CMC1: variants seen among roughly 807,000 people sequenced by gnomAD.
CMC1 encodes COX assembly mitochondrial protein homolog.
In CMC1, 14 loss-of-function variants were observed where a neutral mutation model predicts 14.1. That is an observed-to-expected ratio of 0.99 (90% CI 0.66 to 1.55). The LOEUF is 1.55. Ranked by LOEUF, CMC1 falls within the 40% of genes most tolerant of loss-of-function variation. The pLI is 0.00. For synonymous variants in CMC1, 50 were observed against 38.4 expected, an observed-to-expected ratio of 1.30 and a Z score of -1.12; for missense variants, 127 against 123.8, an observed-to-expected ratio of 1.03 and a Z score of -0.12.
intron 2 of CMC1, among the ~76,000 whole-genome samples, chr3:28,275,042 C>T (rs928286446): frequency 6.5e-4 from 99 of 152,200 alleles, no homozygotes; most frequent in African/African-American, 2.3e-3. Flanking sequence ...GAACATGCTC[C>T]GTTAGCCCAG....
Position 28,263,275 on chromosome 3 carries a change from A to T in CMC1, c.20-16A>T, listed in dbSNP as rs762101485. 25 of 1,556,194 alleles carry T rather than the reference A, an allele frequency of 1.6e-5. No homozygotes were observed. The highest frequency in any genetic ancestry group is 1.9e-5 in the Non-Finnish European group (22 of 1,142,018). On this transcript the variant is annotated splice_polypyrimidine_tract_variant and intron_variant, in intron 1 of 3. Transcript: ENST00000466830. ...TTGCTTGAGACTTTATTAAAGAAAG[A>T]TCTTTTTTTTTTCAGACCAGCATCT...
intron 2 of CMC1, chr3:28,298,457 T>G (rs1277179708): frequency 1.3e-5 from 2 of 148,490 alleles, no homozygotes; most frequent in Non-Finnish European, 3.0e-5. Flanking sequence ...AAATATATTT[T>G]TATATATAAA....
At chr3:28,261,502 T>G (rs1475763248) in intron 1 of CMC1, among the ~76,000 whole-genome samples, 1 of 152,156 alleles carries the variant, frequency 6.6e-6, no homozygotes, top group East Asian at 1.9e-4. Flanking sequence ...AGAAGTAATT[T>G]TGGAAGTAAA....
At chr3:28,288,265 A>G (rs1701296720) in intron 2 of CMC1, among the ~76,000 whole-genome samples, 1 of 152,118 alleles carries the variant, frequency 6.6e-6, no homozygotes. Context: ...TCACATGTGA[A>G]GTGAGTTTAC....
intron 1 of CMC1, among the ~76,000 whole-genome samples, chr3:28,255,003 C>A (rs1329069111): frequency 5.3e-5 from 8 of 152,168 alleles, no homozygotes; most frequent in African/African-American, 1.9e-4. Flanking sequence ...ACAGTCCCTT[C>A]AAATTCCACA....
intron 2 of CMC1, among the ~76,000 whole-genome samples, chr3:28,311,091 A>G (rs1363609189): frequency 6.6e-6 from 1 of 151,998 alleles, no homozygotes; most frequent in Non-Finnish European, 1.5e-5. Flanking sequence ...AAAGATGTTT[A>G]TCATTTCTGG....
intron 2 of CMC1, among the ~76,000 whole-genome samples, chr3:28,298,025 G>C (rs1701833221): frequency 6.6e-6 from 1 of 151,966 alleles, no homozygotes; most frequent in South Asian, 2.1e-4. Flanking sequence ...AAGAAAAACA[G>C]GATGGAGCCT....
chr3:28,277,499 G>A (rs1700641099), intron 2 of CMC1, among the ~76,000 whole-genome samples: 2 of 152,116 alleles, frequency 1.3e-5, no homozygotes, highest in African/African-American at 4.8e-5. Context: ...GAACTTTAGT[G>A]GGGGAGGGGA....
intron 2 of CMC1, among the ~76,000 whole-genome samples, chr3:28,287,238 G>C (rs1701232627): frequency 6.6e-6 from 1 of 152,098 alleles, no homozygotes; most frequent in Non-Finnish European, 1.5e-5. Flanking sequence ...TGATCATCAT[G>C]AAACTTTTCC....
At chr3:28,267,705 A>C (rs1252808393) in intron 2 of CMC1, among the ~76,000 whole-genome samples, 1 of 152,216 alleles carries the variant, frequency 6.6e-6, no homozygotes, top group Non-Finnish European at 1.5e-5. Flanking sequence ...AATCACACAG[A>C]ACTGAAGTAT....
intron 1 of CMC1, among the ~76,000 whole-genome samples, chr3:28,258,374 C>G (rs1398681201): frequency 6.6e-6 from 1 of 151,412 alleles, no homozygotes; most frequent in Non-Finnish European, 1.5e-5. Context: ...ACTGTCTACT[C>G]CAAGGAATTG....
chr3:28,247,107 A>G (rs774592947), intron 1 of CMC1, among the ~76,000 whole-genome samples: 2 of 152,042 alleles, frequency 1.3e-5, no homozygotes, highest in East Asian at 3.9e-4. Flanking sequence ...TCTTTGTCAT[A>G]TACTCTCACC....
At chr3:28,245,954 A>T (rs1006115038) in intron 1 of CMC1, among the ~76,000 whole-genome samples, 1 of 151,828 alleles carries the variant, frequency 6.6e-6, no homozygotes, top group Non-Finnish European at 1.5e-5. Context: ...AAAATTTTTT[A>T]TTTTTTTTAG....
chr3:28,277,451 TA>T (rs2125506439), intron 2 of CMC1, among the ~76,000 whole-genome samples: 2 of 152,302 alleles, frequency 1.3e-5, no homozygotes, highest in East Asian at 3.9e-4. Flanking sequence ...TACCATTTTA[TA>T]ACAGTGAATA....
chr3:28,285,730 T>G (rs1701138372), intron 2 of CMC1, among the ~76,000 whole-genome samples: 1 of 151,054 alleles, frequency 6.6e-6, no homozygotes, highest in Non-Finnish European at 1.5e-5. Flanking sequence ...TATCAGTTAG[T>G]TATTATTATT....
At chr3:28,281,864 G>A (rs1187675210) in intron 2 of CMC1, among the ~76,000 whole-genome samples, 3 of 152,194 alleles carry the variant, frequency 2.0e-5, no homozygotes, top group Non-Finnish European at 2.9e-5. Context: ...CAGGATTTAA[G>A]GCACAGAGGT....
chr3:28,278,933 T>C lies in CMC1; in HGVS notation c.109+15553T>C, dbSNP rs77099236. On this transcript the variant is annotated intron_variant, in intron 2 of 3. Transcript: ENST00000466830. ...TGTGAATGGGGTCAATCAGAAAGAATGTCATTAGATCAATTAGCTATTACT... is the reference window on the plus strand; with the variant it reads ...TGTGAATGGGGTCAATCAGAAAGAACGTCATTAGATCAATTAGCTATTACT... Among the ~76,000 whole-genome samples, 1,049 of 152,308 alleles carry C rather than the reference T, an allele frequency of 6.9e-3. 9 individuals carry two copies. The highest frequency in any genetic ancestry group is 0.023 in the African/African-American group (954 of 41,582).
chr3:28,288,750 A>T (rs933519576), intron 2 of CMC1, among the ~76,000 whole-genome samples: 64 of 145,716 alleles, frequency 4.4e-4, no homozygotes, highest in African/African-American at 1.4e-3. Flanking sequence ...CATTTGTGTG[A>T]TAAATTTATA....
chr3:28,250,546 CCTTTT>C (rs1372368028), intron 1 of CMC1, among the ~76,000 whole-genome samples: 21 of 152,266 alleles, frequency 1.4e-4, no homozygotes, highest in African/African-American at 5.1e-4. Flanking sequence ...CATCCACCAC[CCTTTT>C]CTTCTTTCTG....
Sources: gnomAD v4.1 joint callset for allele counts (sites outside exome capture counted in the v4.1 genomes callset) on GRCh38, gnomAD v4.1.1 for gene constraint, MANE v1.5 for transcripts, NCBI Gene and HGNC (gene_info 2026-07-23, HGNC 2026-07-21) for gene names.